SLC6A11: variants seen among roughly 807,000 people sequenced by gnomAD.
SLC6A11 encodes sodium- and chloride-dependent GABA transporter 3.
Under a neutral mutation model 74.8 loss-of-function variants are expected in SLC6A11, and 25 were observed. The observed-to-expected ratio is 0.33, with a 90% CI of 0.24 to 0.47. SLC6A11 has a LOEUF of 0.47. SLC6A11 is among the 20% of genes least tolerant of loss of function. The pLI, the probability that SLC6A11 is intolerant of heterozygous loss-of-function variation, is 1.00. For synonymous variants in SLC6A11, 330 were observed against 330.2 expected (o/e 1.00, Z 0.01); for missense variants, 574 against 837.0 (o/e 0.69, Z 3.88).
intron 5 of SLC6A11, among the ~76,000 whole-genome samples, chr3:10,869,882 C>T (rs907782886): frequency 6.6e-6 from 1 of 152,022 alleles, no homozygotes; most frequent in Non-Finnish European, 1.5e-5. Flanking sequence ...GGGGGTGTAA[C>T]TTCAGAAGGT....
intron 6 of SLC6A11, among the ~76,000 whole-genome samples, chr3:10,907,928 G>A (rs942652194): frequency 6.6e-6 from 1 of 152,202 alleles, no homozygotes; most frequent in African/African-American, 2.4e-5. Context: ...AGGGCTGGGG[G>A]TGATTGTTAA....
intron 4 of SLC6A11, among the ~76,000 whole-genome samples, chr3:10,830,372 T>G (rs1434446155): frequency 6.6e-6 from 1 of 152,204 alleles, no homozygotes; most frequent in Admixed American, 6.5e-5. Context: ...GAGACTTTAC[T>G]GAAGAGCAGG....
chr3:10,832,379 G>C (rs1694309123), intron 4 of SLC6A11, among the ~76,000 whole-genome samples: 1 of 152,238 alleles, frequency 6.6e-6, no homozygotes, highest in Admixed American at 6.5e-5. Context: ...GACTTGTGCT[G>C]AGTAGGGGCT....
In SLC6A11 at chr3:10,908,398, G is replaced by A. The variant is rs567756993; in HGVS notation, c.892-3692G>A. Among the ~76,000 whole-genome samples the A allele has an allele frequency of 8.5e-5, 13 of 152,248 alleles. No individual in the cohort carries two copies. In the South Asian group the frequency reaches 1.5e-3, roughly 17 times the overall value. On this transcript the variant is annotated intron_variant, in intron 6 of 13. Coordinates refer to ENST00000254488, the MANE Select transcript of SLC6A11 (RefSeq NM_014229.3). The stretch of plus-strand genomic sequence containing the variant: ...CTGTCAGAAAAGGGGAGGATTAAGC[G>A]TATTGTGTAAAGGTGCTGGTTTAAT...
rs1379815136 is a variant in SLC6A11 at position 10,935,214 on chromosome 3, G to A, written c.1746+15G>A. On this transcript the variant is annotated intron_variant, in intron 13 of 13. Coordinates refer to ENST00000254488, the MANE Select transcript of SLC6A11 (RefSeq NM_014229.3). ...CACTGCCCGAGGTGAGACCGCCCCAGGAGGGCTGGTGCGTTTGGGCAGGGT... is the reference window on the plus strand; with the variant it reads ...CACTGCCCGAGGTGAGACCGCCCCAAGAGGGCTGGTGCGTTTGGGCAGGGT... 6.2e-7 allele frequency: 1 copy of A among 1,613,284 alleles called. No homozygotes were observed. The highest frequency in any genetic ancestry group is 1.3e-5 in the African/African-American group (1 of 74,920).
rs551562561 is a variant in SLC6A11, at chr3:10,906,883, G to T, written c.892-5207G>T. Among the ~76,000 whole-genome samples, 3 of 152,340 alleles carry T rather than the reference G, an allele frequency of 2.0e-5. No homozygotes were observed. The East Asian group carries it at 5.8e-4, about 29-fold the overall frequency. On this transcript the variant is annotated intron_variant, in intron 6 of 13. Transcript: ENST00000254488. ...TAAAAGAATAAGGAAAGTTCAGACT[G>T]CAAGTCTAGAAAAATCTATCCTGGA...
chr3:10,899,779 T>G (rs1206339096), intron 6 of SLC6A11, among the ~76,000 whole-genome samples: 1 of 152,210 alleles, frequency 6.6e-6, no homozygotes, highest in Non-Finnish European at 1.5e-5. Context: ...CCCTTGTGTT[T>G]GATGTGAAGT....
intron 10 of SLC6A11, among the ~76,000 whole-genome samples, chr3:10,932,049 C>T (rs548706349): frequency 1.6e-5 from 2 of 128,800 alleles, no homozygotes; most frequent in African/African-American, 3.2e-5. Flanking sequence ...AGCTCTTTGA[C>T]ACTTTTATTT....
intron 4 of SLC6A11, among the ~76,000 whole-genome samples, chr3:10,831,758 A>G (rs1362916244): frequency 6.6e-6 from 1 of 152,246 alleles, no homozygotes; most frequent in Non-Finnish European, 1.5e-5. Context: ...ACGTGTCATA[A>G]TGAACCCTCC....
chr3:10,863,228 G>C (rs1694723966), intron 5 of SLC6A11, among the ~76,000 whole-genome samples: 1 of 152,222 alleles, frequency 6.6e-6, no homozygotes. Context: ...TTACAAGGCA[G>C]AATGAAATAA....
In SLC6A11 at chr3:10,915,964, G is replaced by A. The variant is rs1262770704; in HGVS notation, c.996-2365G>A. Reference sequence around the variant, plus strand: ...CAAAAGCATGGGCTTTGATCTATGTGACTCATCTCCCTCAGCCTCAGGATT... The same window carrying A: ...CAAAAGCATGGGCTTTGATCTATGTAACTCATCTCCCTCAGCCTCAGGATT... On this transcript the variant is annotated intron_variant, in intron 7 of 13. Transcript: ENST00000254488. This position sits in a 1 kb window ranked among gnomAD's most constrained non-coding sequence, Gnocchi z 4.3. 6.6e-6 allele frequency among the ~76,000 whole-genome samples: 1 copy of A among 152,178 alleles called. No individual in the cohort carries two copies.
chr3:10,824,893 A>G (rs1694186716), intron 4 of SLC6A11: 2 of 152,236 alleles, frequency 1.3e-5, no homozygotes, highest in African/African-American at 4.8e-5. Context: ...TTAGAAAGAA[A>G]TTAATCTAGG....
In SLC6A11 at chr3:10,894,165, C is replaced by G. The variant is rs536760686; in HGVS notation, c.892-17925C>G. On this transcript the variant is annotated intron_variant, in intron 6 of 13. Coordinates refer to ENST00000254488, the MANE Select transcript of SLC6A11 (RefSeq NM_014229.3). ...CATGTTTACCCATTCCCCCAGGCCC[C>G]TGGGTCCTGCTGCTCCCACTGGCTT... Among the ~76,000 whole-genome samples, 92 of 152,338 alleles carry G rather than the reference C, an allele frequency of 6.0e-4. 1 individual carries two copies. Among genetic ancestry groups the G allele is most frequent in the Non-Finnish European group, 7.3e-5 (5 of 68,036 alleles).
At chr3:10,833,013 C>T (rs936882218) in intron 4 of SLC6A11, among the ~76,000 whole-genome samples, 2 of 152,190 alleles carry the variant, frequency 1.3e-5, no homozygotes, top group East Asian at 3.9e-4. Context: ...AAGCAAGAGC[C>T]AGGACCCCCA....
intron 4 of SLC6A11, chr3:10,825,183 A>AAAAC (rs1432306288): frequency 6.6e-6 from 1 of 151,678 alleles, no homozygotes; most frequent in Non-Finnish European, 1.5e-5. Flanking sequence ...ACTGTCTCAA[A>AAAAC]AAAAAAAAAA....
rs551943756 is a variant in SLC6A11 at position 10,841,667 on chromosome 3, A to T, written c.624-2547A>T. Among the ~76,000 whole-genome samples, 4 of 152,346 alleles carry T rather than the reference A, an allele frequency of 2.6e-5. No individual in the cohort carries two copies. In the South Asian group the frequency reaches 6.2e-4, roughly 24 times the overall value. ...CATGACTCAAAAATTTGCAGCATCC[A>T]CATTGTAGAAGAGAGGGGATCTGAG... On this transcript the variant is annotated intron_variant, in intron 4 of 13. Transcript: ENST00000254488.
intron 5 of SLC6A11, among the ~76,000 whole-genome samples, chr3:10,847,176 C>T (rs893576290): frequency 2.6e-5 from 4 of 152,056 alleles, no homozygotes; most frequent in East Asian, 3.9e-4. Context: ...GCTCAAGGAC[C>T]CTCCGGTGGG....
chr3:10,873,139 G>A (rs1005453144), intron 5 of SLC6A11, among the ~76,000 whole-genome samples: 2 of 152,164 alleles, frequency 1.3e-5, no homozygotes, highest in East Asian at 1.9e-4. Flanking sequence ...CAGTCCCTGC[G>A]GGCCTTGATG....
At chr3:10,861,810 G>A (rs1010220766) in intron 5 of SLC6A11, among the ~76,000 whole-genome samples, 2 of 152,202 alleles carry the variant, frequency 1.3e-5, no homozygotes, top group African/African-American at 2.4e-5. Flanking sequence ...CTTCTTCCAA[G>A]AAATGAAGCA....
Sources: gnomAD v4.1 joint callset for allele counts (sites outside exome capture counted in the v4.1 genomes callset) on GRCh38, gnomAD v4.1.1 for gene constraint, Gnocchi (gnomAD v3.1) non-coding constraint, MANE v1.5 for transcripts, NCBI Gene and HGNC (gene_info 2026-07-23, HGNC 2026-07-21) for gene names.